TMEM30A: variants seen among roughly 807,000 people sequenced by gnomAD.
The protein encoded by TMEM30A is cell cycle control protein 50A.
Under a neutral mutation model 38.2 loss-of-function variants are expected in TMEM30A, and 24 were observed. That is an observed-to-expected ratio of 0.63 (90% confidence interval 0.46 to 0.88). The LOEUF (loss-of-function observed/expected upper bound fraction) is 0.88. TMEM30A is among the 40% of genes least tolerant of loss of function. The pLI, the probability that TMEM30A is intolerant of heterozygous loss-of-function variation, is 0.00. For synonymous variants in TMEM30A, 145 were observed against 161.6 expected (o/e 0.90, Z 0.78); for missense variants, 370 against 458.6 (o/e 0.81, Z 1.77).
chr6:75,275,788 T>C lies in TMEM30A; in HGVS notation c.238-8040A>G, dbSNP rs578218235. 2.0e-5 allele frequency among the ~76,000 whole-genome samples: 3 copies of C among 152,314 alleles called. No homozygotes were observed. The East Asian group carries it at 5.8e-4, about 29-fold the overall frequency. On this transcript the variant is annotated intron_variant, in intron 1 of 6. Coordinates refer to ENST00000230461, the MANE Select transcript of TMEM30A (RefSeq NM_018247.4). ...TGTGATTTACAGTAAGAAATACATA[T>C]TTAATCTTTGCTCCCAGTTTCCTGG... is the stretch of plus-strand genomic sequence containing the variant.
intron 1 of TMEM30A, among the ~76,000 whole-genome samples, chr6:75,274,583 T>C (rs942046733): frequency 3.3e-5 from 5 of 152,178 alleles, no homozygotes; most frequent in African/African-American, 1.2e-4. Flanking sequence ...AAAGAGAAGG[T>C]AGAATCTACA....
intron 4 of TMEM30A, among the ~76,000 whole-genome samples, chr6:75,260,583 T>A (rs1010793006): frequency 6.6e-6 from 1 of 152,190 alleles, no homozygotes. Context: ...TTTATTTTTA[T>A]ATGAAATAAG....
At chr6:75,272,280 C>T (rs961479895) in intron 1 of TMEM30A, among the ~76,000 whole-genome samples, 3 of 152,226 alleles carry the variant, frequency 2.0e-5, no homozygotes, top group Non-Finnish European at 4.4e-5. Context: ...CTAAAGCCTC[C>T]TATCAACTAT....
intron 4 of TMEM30A, among the ~76,000 whole-genome samples, chr6:75,260,101 T>A (rs934562947): frequency 6.6e-6 from 1 of 152,172 alleles, no homozygotes; most frequent in African/African-American, 2.4e-5. Context: ...TAAATATGAC[T>A]ATTAGAAAAT....
rs1462038998 is a variant in TMEM30A at position 75,284,764 on chromosome 6, A to G, written c.-126T>C. The G allele has an allele frequency of 1.2e-6, 1 of 860,474 alleles. No individual in the cohort carries two copies. The allele number at this position is 860,474 out of a possible 1,614,324, so 53.3% of individuals were successfully genotyped here. On this transcript the variant is annotated 5_prime_UTR_variant, in exon 1 of 7. Transcript: ENST00000230461. ...CGCCGCAGCCACCAGCGCCACCGCC[A>G]CAGCCACCTCCGCTGTAGAGCGGAA... is the stretch of plus-strand genomic sequence containing the variant.
chr6:75,259,138 G>T, intron 5 of TMEM30A, 152 bp from the exon 6 acceptor site: 1 of 838,068 alleles, frequency 1.2e-6, no homozygotes. Flanking sequence ...ATGCTTATAA[G>T]ACATCACAGA....
chr6:75,275,578 C>G (rs1772246691), intron 1 of TMEM30A, among the ~76,000 whole-genome samples: 1 of 152,204 alleles, frequency 6.6e-6, no homozygotes, highest in Non-Finnish European at 1.5e-5. Flanking sequence ...TCTTAGTCAT[C>G]TTTGATTCTT....
At chr6:75,265,157 C>G (rs1772046902) in intron 3 of TMEM30A, 74 bp downstream of exon 3, 1 of 939,736 alleles carries the variant, frequency 1.1e-6, no homozygotes, top group Admixed American at 2.7e-5. Flanking sequence ...TTCATCCTAA[C>G]AATTCTAACT....
At chr6:75,259,311 A>C in intron 5 of TMEM30A, 36 bp downstream of exon 5, 5 of 1,568,998 alleles carry the variant, frequency 3.2e-6, no homozygotes, top group Non-Finnish European at 4.3e-6. Flanking sequence ...TAAAACTCCT[A>C]GTTTAATTTT....
chr6:75,276,564 TGTGGTGTCAGAAGTGTTGA>T (rs1286669460), intron 1 of TMEM30A, among the ~76,000 whole-genome samples: 4 of 151,944 alleles, frequency 2.6e-5, no homozygotes, highest in African/African-American at 9.7e-5. Flanking sequence ...TTTCCACACA[TGTGGTGTCAGAAGTGTTGA>T]GTGGTGTGCG....
chr6:75,282,375 T>C (rs1354294750), intron 1 of TMEM30A, among the ~76,000 whole-genome samples: 2 of 152,220 alleles, frequency 1.3e-5, no homozygotes, highest in Non-Finnish European at 2.9e-5. Context: ...TGAAGAACCT[T>C]ATTTTACTCC....
chr6:75,283,091 GA>G (rs1480347372), intron 1 of TMEM30A, among the ~76,000 whole-genome samples: 1 of 152,146 alleles, frequency 6.6e-6, no homozygotes, highest in Non-Finnish European at 1.5e-5. Flanking sequence ...AATTGAGAAT[GA>G]ATTTTTAGTA....
At chr6:75,273,927 C>T (rs1212398965) in intron 1 of TMEM30A, among the ~76,000 whole-genome samples, 1 of 152,144 alleles carries the variant, frequency 6.6e-6, no homozygotes, top group Admixed American at 6.5e-5. Context: ...AAACCTGAGT[C>T]CCTATTAGGT....
chr6:75,280,495 G>C (rs925235958), intron 1 of TMEM30A, among the ~76,000 whole-genome samples: 1 of 152,044 alleles, frequency 6.6e-6, no homozygotes, highest in African/African-American at 2.4e-5. Flanking sequence ...TGGTAATATA[G>C]GTCTACTAAT....
intron 1 of TMEM30A, among the ~76,000 whole-genome samples, chr6:75,274,930 G>C (rs1200593270): frequency 6.6e-6 from 1 of 151,122 alleles, no homozygotes; most frequent in East Asian, 2.0e-4. Context: ...AGAACGGCAT[G>C]AACCTGGGAG....
chr6:75,267,769 T>G (rs1378705540), intron 1 of TMEM30A, 21 bp from the exon 2 acceptor site: 5 of 1,529,372 alleles, frequency 3.3e-6, no homozygotes, highest in Non-Finnish European at 3.6e-6. Flanking sequence ...AAAATATAAC[T>G]AAGCACTTCC....
At chr6:75,278,439 C>G (rs1170453531) in intron 1 of TMEM30A, among the ~76,000 whole-genome samples, 1 of 152,178 alleles carries the variant, frequency 6.6e-6, no homozygotes, top group Non-Finnish European at 1.5e-5. Flanking sequence ...GGAGGTGGTA[C>G]ATGACAGTTT....
At chr6:75,260,713 T>C (rs897909176) in intron 4 of TMEM30A, 111 bp downstream of exon 4, 6 of 589,390 alleles carry the variant, frequency 1.0e-5, no homozygotes, top group South Asian at 7.7e-5. Context: ...GATTTAGTCT[T>C]AAATGTTTGA....
At chr6:75,284,040 C>T (rs1197288591) in intron 1 of TMEM30A, among the ~76,000 whole-genome samples, 1 of 151,930 alleles carries the variant, frequency 6.6e-6, no homozygotes, top group Admixed American at 6.6e-5. Flanking sequence ...CCCCCGCCCC[C>T]ACTTCTCTTT....
Sources: allele counts gnomAD v4.1 joint callset (sites outside exome capture counted in the v4.1 genomes callset), GRCh38; gene constraint gnomAD v4.1.1; transcripts MANE v1.5; gene names NCBI Gene and HGNC (gene_info 2026-07-23, HGNC 2026-07-21).